CDH9: variants seen among roughly 807,000 people sequenced by gnomAD.
The protein encoded by CDH9 is cadherin 9.
Under a neutral mutation model 70.9 loss-of-function variants are expected in CDH9, and 28 were observed. The observed-to-expected ratio is 0.40, with a 90% confidence interval of 0.29 to 0.54. CDH9 has a LOEUF of 0.54. Among genes scored for constraint, CDH9 ranks in the 20% least tolerant of loss-of-function variants. The pLI, the probability that CDH9 is intolerant of heterozygous loss-of-function variation, is 0.59. For synonymous variants in CDH9, 409 were observed against 343.1 expected (o/e 1.19, Z -2.12); for missense variants, 874 against 984.4 (o/e 0.89, Z 1.50).
At chr5:26,971,600 G>C (rs1742219173) in intron 2 of CDH9, among the ~76,000 whole-genome samples, 1 of 152,122 alleles carries the variant, frequency 6.6e-6, no homozygotes, top group Non-Finnish European at 1.5e-5. Flanking sequence ...TAGGATATTT[G>C]CTTCTGAAGT....
chr5:27,025,201 T>C (rs1743201175), intron 1 of CDH9, among the ~76,000 whole-genome samples: 1 of 152,088 alleles, frequency 6.6e-6, no homozygotes, highest in Non-Finnish European at 1.5e-5. Flanking sequence ...TTACAACTGT[T>C]TAATTCACAC....
chr5:26,979,896 G>C (rs912795361), intron 2 of CDH9, among the ~76,000 whole-genome samples: 4 of 151,692 alleles, frequency 2.6e-5, no homozygotes, highest in African/African-American at 9.7e-5. Context: ...AGAAAAAAAT[G>C]ACAGTGGTAA....
intron 1 of CDH9, among the ~76,000 whole-genome samples, chr5:27,030,673 A>G (rs140021335): frequency 6.6e-6 from 1 of 151,958 alleles, no homozygotes; most frequent in Non-Finnish European, 1.5e-5. Context: ...GTTAGAAAGC[A>G]GTAGACAACA....
intron 2 of CDH9, among the ~76,000 whole-genome samples, chr5:26,936,485 T>C (rs1369723044): frequency 2.6e-5 from 4 of 152,136 alleles, no homozygotes; most frequent in Admixed American, 1.3e-4. Context: ...TTAAAGAGTC[T>C]TTCCAACTTG....
At chr5:26,967,302 G>T (rs189347417) in intron 2 of CDH9, among the ~76,000 whole-genome samples, 3 of 151,754 alleles carry the variant, frequency 2.0e-5, no homozygotes, top group Non-Finnish European at 4.4e-5. Flanking sequence ...TTGTTGCTCT[G>T]GTAATTTAAT....
At chr5:27,031,659 G>T (rs1451336276) in intron 1 of CDH9, among the ~76,000 whole-genome samples, 1 of 151,902 alleles carries the variant, frequency 6.6e-6, no homozygotes, top group Non-Finnish European at 1.5e-5. Flanking sequence ...TGATCCCAAA[G>T]CCAATGCTTT....
At chr5:26,903,389 C>A in intron 6 of CDH9, 1 of 596,220 alleles carries the variant, frequency 1.7e-6, no homozygotes, top group Non-Finnish European at 3.0e-6. Flanking sequence ...AAAACAAGTA[C>A]CTTGAAGTTT....
intron 1 of CDH9, among the ~76,000 whole-genome samples, chr5:27,007,881 A>T (rs943366853): frequency 6.6e-6 from 1 of 152,108 alleles, no homozygotes; most frequent in Non-Finnish European, 1.5e-5. Flanking sequence ...GAGGACACTA[A>T]ATTTCAATTA....
At chr5:27,038,055 A>G (rs1743424300) in intron 1 of CDH9, among the ~76,000 whole-genome samples, 1 of 152,010 alleles carries the variant, frequency 6.6e-6, no homozygotes, top group Non-Finnish European at 1.5e-5. Flanking sequence ...AACAAAAGTT[A>G]TGAGAAGACC....
At chr5:26,932,458 A>G (rs76416347) in intron 2 of CDH9, among the ~76,000 whole-genome samples, 14,546 of 152,124 alleles carry the variant, frequency 0.096, 874 homozygotes, top group East Asian at 0.17. Context: ...GATCTCATCA[A>G]AAGAAAATCC....
chr5:26,914,096 C>A (rs1741103055), intron 3 of CDH9, among the ~76,000 whole-genome samples: 1 of 151,790 alleles, frequency 6.6e-6, no homozygotes, highest in Non-Finnish European at 1.5e-5. Context: ...TTCTCATATT[C>A]AAATATTTCC....
intron 2 of CDH9, among the ~76,000 whole-genome samples, chr5:26,937,298 G>A (rs1047647237): frequency 5.9e-5 from 9 of 152,190 alleles, no homozygotes; most frequent in South Asian, 2.1e-4. Flanking sequence ...TTAGTGAATG[G>A]CAAACTAAAA....
Position 26,993,102 on chromosome 5 carries a change from C to CAA in CDH9, c.-49-4722_-49-4721dup, listed in dbSNP as rs34636129. On this transcript the variant is annotated intron_variant, in intron 1 of 11. Coordinates refer to ENST00000231021, the MANE Select transcript of CDH9 (RefSeq NM_016279.4). ...GGCAACAAGGGTGAAACTCCGTCTC[C>CAA]AAAAAAAAAAAAAAAAAGCATATCT... Among the ~76,000 whole-genome samples, 395 of 104,230 alleles carry CAA rather than the reference C, an allele frequency of 3.8e-3. 2 individuals carry two copies. The highest frequency in any genetic ancestry group is 0.019 in the Middle Eastern group (3 of 162). The allele number at this position is 104,230 out of a possible 152,430, so 68.4% of individuals were successfully genotyped here.
intron 1 of CDH9, among the ~76,000 whole-genome samples, chr5:27,000,297 A>T (rs1382167471): frequency 6.6e-6 from 1 of 152,174 alleles, no homozygotes; most frequent in Non-Finnish European, 1.5e-5. Flanking sequence ...GTGAATTGCA[A>T]ATTAAAACAA....
At chr5:26,991,225 A>T (rs1742574635) in intron 1 of CDH9, among the ~76,000 whole-genome samples, 1 of 152,142 alleles carries the variant, frequency 6.6e-6, no homozygotes, top group African/African-American at 2.4e-5. Flanking sequence ...CGCTGCTCAG[A>T]TTCCCTTTGA....
intron 2 of CDH9, among the ~76,000 whole-genome samples, chr5:26,916,684 A>G (rs28607947): frequency 0.079 from 12,004 of 151,948 alleles, 619 homozygotes; most frequent in African/African-American, 0.14. Flanking sequence ...CAGAAAGTGA[A>G]ACCATGATTA....
chr5:26,897,105 A>G (rs1011351184), intron 7 of CDH9, among the ~76,000 whole-genome samples: 2 of 151,886 alleles, frequency 1.3e-5, no homozygotes, highest in East Asian at 3.9e-4. Context: ...TACACCCTCC[A>G]AAGACTAAAC....
At chr5:26,944,035 C>G (rs1741705909) in intron 2 of CDH9, among the ~76,000 whole-genome samples, 1 of 152,092 alleles carries the variant, frequency 6.6e-6, no homozygotes, top group Admixed American at 6.6e-5. Context: ...TCTTATTGAT[C>G]ATATCTACCA....
At chr5:27,016,468 T>G (rs1444022355) in intron 1 of CDH9, among the ~76,000 whole-genome samples, 3 of 151,896 alleles carry the variant, frequency 2.0e-5, no homozygotes, top group Non-Finnish European at 2.9e-5. Context: ...CCAATATGCT[T>G]AAAATGCATG....
Sources: gnomAD v4.1 joint callset for allele counts (sites outside exome capture counted in the v4.1 genomes callset) on GRCh38, gnomAD v4.1.1 for gene constraint, MANE v1.5 for transcripts, NCBI Gene and HGNC (gene_info 2026-07-23, HGNC 2026-07-21) for gene names.